MSI2: variants seen among roughly 807,000 people sequenced by gnomAD.
The protein encoded by MSI2 is RNA-binding protein Musashi homolog 2.
MSI2 carries 17 observed loss-of-function variants against 45.6 expected under a neutral mutation model. The observed-to-expected ratio is 0.37, with a 90% CI of 0.26 to 0.56. MSI2 has a LOEUF of 0.56. Ranked by LOEUF, MSI2 falls within the 20% of genes least tolerant of loss-of-function variation. MSI2 has a pLI of 0.77. For missense variants in MSI2, 293 were observed against 444.2 expected (o/e 0.66, Z 3.06); for synonymous variants, 156 against 158.2 (o/e 0.99, Z 0.11).
At chr17:57,600,785 G>A (rs1312171363) in intron 8 of MSI2, 1 of 152,294 alleles carries the variant, frequency 6.6e-6, no homozygotes, top group East Asian at 1.9e-4. Flanking sequence ...CACACATAAA[G>A]ATCCCACTAA....
At chr17:57,621,079 T>C (rs575780490) in intron 9 of MSI2, among the ~76,000 whole-genome samples, 8 of 152,356 alleles carry the variant, frequency 5.3e-5, no homozygotes, top group Admixed American at 2.6e-4. Flanking sequence ...GACTCTGTCA[T>C]CAAAGACTGT....
chr17:57,688,734 G>A (rs1183159675), downstream of MSI2, among the ~76,000 whole-genome samples: 1 of 152,082 alleles, frequency 6.6e-6, no homozygotes, highest in African/African-American at 2.4e-5. Flanking sequence ...TGGATACAAA[G>A]AAAGGGGTAC....
chr17:57,555,840 T>C (rs2144214691), intron 7 of MSI2, among the ~76,000 whole-genome samples: 1 of 152,222 alleles, frequency 6.6e-6, no homozygotes, highest in South Asian at 2.1e-4. Context: ...ACCTTGGAGG[T>C]CCAAAGGTCA....
intron 6 of MSI2, among the ~76,000 whole-genome samples, chr17:57,508,865 C>T (rs1015769654): frequency 3.3e-5 from 5 of 152,188 alleles, no homozygotes; most frequent in Non-Finnish European, 7.3e-5. Context: ...TGCACGTGTT[C>T]ATGCACCCAT....
At chr17:57,297,136 G>C (rs1468352688) in intron 5 of MSI2, among the ~76,000 whole-genome samples, 1 of 150,958 alleles carries the variant, frequency 6.6e-6, no homozygotes, top group Non-Finnish European at 1.5e-5. Flanking sequence ...GCCTCCCAAA[G>C]TGCTAGGATT....
intron 10 of MSI2, among the ~76,000 whole-genome samples, chr17:57,647,431 A>T (rs1294164675): frequency 6.7e-6 from 1 of 149,068 alleles, no homozygotes; most frequent in African/African-American, 2.5e-5. Flanking sequence ...CCTGAACATC[A>T]GAGTGAGACT....
intron 7 of MSI2, among the ~76,000 whole-genome samples, chr17:57,575,157 C>G (rs145702774): frequency 7.1e-6 from 1 of 141,586 alleles, no homozygotes; most frequent in African/African-American, 2.7e-5. Context: ...TCCCTCCCCC[C>G]GCCACCCCCC....
At chr17:57,286,127 T>A in intron 5 of MSI2, 1 of 639,394 alleles carries the variant, frequency 1.6e-6, no homozygotes, top group Admixed American at 3.8e-5. Flanking sequence ...ACCTAATTCC[T>A]TATCTCATTT....
At chr17:57,633,919 A>G (rs1241259547) in intron 10 of MSI2, among the ~76,000 whole-genome samples, 4 of 152,216 alleles carry the variant, frequency 2.6e-5, no homozygotes, top group African/African-American at 7.2e-5. Flanking sequence ...CATCAGTGAA[A>G]GGAATGATAC....
chr17:57,535,445 TACCC>T, intron 7 of MSI2, among the ~76,000 whole-genome samples: 1 of 152,168 alleles, frequency 6.6e-6, no homozygotes, highest in Admixed American at 6.5e-5. Context: ...TGGCCTTCAT[TACCC>T]AGCAGGCCTG....
intron 5 of MSI2, among the ~76,000 whole-genome samples, chr17:57,316,557 C>T (rs964148435): frequency 6.6e-6 from 1 of 152,170 alleles, no homozygotes; most frequent in African/African-American, 2.4e-5. Context: ...AACTCCTGGC[C>T]TCAAGTGATC....
At chr17:57,341,893 C>G (rs922575901) in intron 5 of MSI2, among the ~76,000 whole-genome samples, 9 of 152,042 alleles carry the variant, frequency 5.9e-5, no homozygotes, top group Admixed American at 5.2e-4. Flanking sequence ...TTCCCCCTTT[C>G]TTTTCTTCCT....
chr17:57,293,595 G>GTTTTTTTTTTTTTTGTTTTTTTTTTTTTT (rs71139983), intron 5 of MSI2, among the ~76,000 whole-genome samples: 11 of 134,708 alleles, frequency 8.2e-5, no homozygotes, highest in South Asian at 2.2e-4. Flanking sequence ...TTGTTTTTTT[G>GTTTTTTTTTTTTTTGTTTTTTTTTTTTTT]TTTTTTTTTT....
At chr17:57,544,222 G>T (rs1191585896) in intron 7 of MSI2, among the ~76,000 whole-genome samples, 3 of 152,158 alleles carry the variant, frequency 2.0e-5, no homozygotes, top group African/African-American at 4.8e-5. Flanking sequence ...ACGCTATAAA[G>T]GATCAAAATA....
chr17:57,578,220 C>G (rs1296700898), intron 7 of MSI2, among the ~76,000 whole-genome samples: 1 of 152,210 alleles, frequency 6.6e-6, no homozygotes, highest in Non-Finnish European at 1.5e-5. Flanking sequence ...AGCCCAAGCT[C>G]TTTCCCACCA....
At chr17:57,686,911 A>G (rs1202215129), downstream of MSI2, among the ~76,000 whole-genome samples, 1 of 152,136 alleles carries the variant, frequency 6.6e-6, no homozygotes, top group African/African-American at 2.4e-5. Context: ...TGATGGCTCT[A>G]TATAACCTGA....
intron 6 of MSI2, among the ~76,000 whole-genome samples, chr17:57,447,591 G>T (rs1456089280): frequency 6.6e-6 from 1 of 151,854 alleles, no homozygotes; most frequent in Non-Finnish European, 1.5e-5. Flanking sequence ...GGCATGGGTG[G>T]GGGGGGTGTC....
intron 11 of MSI2, among the ~76,000 whole-genome samples, chr17:57,669,572 G>A (rs750651898): frequency 6.6e-6 from 1 of 152,202 alleles, no homozygotes; most frequent in Non-Finnish European, 1.5e-5. Flanking sequence ...TGAAGGTAGA[G>A]GTGTGTGTTG....
chr17:57,686,311 AAAAAT>A (rs1473886016), downstream of MSI2, among the ~76,000 whole-genome samples: 1 of 152,218 alleles, frequency 6.6e-6, no homozygotes, highest in Non-Finnish European at 1.5e-5. Flanking sequence ...TTCATGGAGA[AAAAAT>A]AAAAAAATAA....
Sources: allele counts gnomAD v4.1 joint callset (sites outside exome capture counted in the v4.1 genomes callset), GRCh38; gene constraint gnomAD v4.1.1; transcripts MANE v1.5; gene names NCBI Gene and HGNC (gene_info 2026-07-23, HGNC 2026-07-21).